Variants in SMPD3 observed in about 807,000 individuals in gnomAD.
SMPD3 encodes nSMase-2.
A neutral mutation model predicts 55.7 loss-of-function variants in SMPD3; 21 were observed. That is an observed-to-expected ratio of 0.38 (90% CI 0.27 to 0.54). The LOEUF (loss-of-function observed/expected upper bound fraction) is 0.54. Ranked by LOEUF, SMPD3 falls within the 20% of genes least tolerant of loss-of-function variation. SMPD3 has a pLI of 0.80. For missense variants in SMPD3, 842 were observed against 899.6 expected (o/e 0.94, Z 0.82); for synonymous variants, 457 against 404.3 (o/e 1.13, Z -1.56).
chr16:68,374,233 A>C (rs1438797448), intron 2 of SMPD3, among the ~76,000 whole-genome samples: 1 of 152,056 alleles, frequency 6.6e-6, no homozygotes, highest in Non-Finnish European at 1.5e-5. Flanking sequence ...CACCAACCCG[A>C]GGTGTGCGGA....
chr16:68,379,844 C>T (rs1049132799), intron 2 of SMPD3, among the ~76,000 whole-genome samples: 1 of 152,266 alleles, frequency 6.6e-6, no homozygotes, highest in African/African-American at 2.4e-5. Flanking sequence ...CGGCATTTCC[C>T]TGGCGAAGTC....
At chr16:68,430,043 AC>A (rs2090467402) in intron 1 of SMPD3, among the ~76,000 whole-genome samples, 1 of 151,826 alleles carries the variant, frequency 6.6e-6, no homozygotes, top group African/African-American at 2.4e-5. Flanking sequence ...TGCACCTGTT[AC>A]CCCCCAAATC....
intron 1 of SMPD3, among the ~76,000 whole-genome samples, chr16:68,418,339 C>G (rs1004589901): frequency 6.7e-6 from 1 of 148,880 alleles, no homozygotes; most frequent in African/African-American, 2.5e-5. Context: ...AACTAAGACT[C>G]TTTATGTAAA....
chr16:68,388,803 A>G (rs973611114), intron 1 of SMPD3, among the ~76,000 whole-genome samples: 2 of 152,218 alleles, frequency 1.3e-5, no homozygotes, highest in African/African-American at 4.8e-5. Flanking sequence ...TTCTCAAAGA[A>G]AAAAGAAACA....
chr16:68,436,043 G>A (rs1043476321), intron 1 of SMPD3, among the ~76,000 whole-genome samples: 1 of 152,126 alleles, frequency 6.6e-6, no homozygotes, highest in Non-Finnish European at 1.5e-5. Flanking sequence ...AACAAGTGCC[G>A]AGGAGGTCTC....
In SMPD3 at chr16:68,364,670, C is replaced by T. The variant is rs764106817; in HGVS notation, c.1555+81G>A. ...GAGGAGCAGGAATTCTTTGAGCTGC[C>T]TAACGAAGTCTGTCTAGCTGTGACT... On this transcript the variant is annotated intron_variant, in intron 5 of 8. Coordinates refer to ENST00000219334, the MANE Select transcript of SMPD3 (RefSeq NM_018667.4). 1.6e-4 allele frequency: 229 copies of T among 1,471,694 alleles called. No homozygotes were observed. In the East Asian group the frequency reaches 1.6e-3, roughly 11 times the overall value. The allele number at this position is 1,471,694 out of a possible 1,614,324, so 91.2% of individuals were successfully genotyped here.
intron 1 of SMPD3, among the ~76,000 whole-genome samples, chr16:68,414,740 A>G (rs2090326564): frequency 6.6e-6 from 1 of 152,230 alleles, no homozygotes. Context: ...CATCAGATTG[A>G]GTGGCATGCC....
At chr16:68,411,482 C>T (rs926768437) in intron 1 of SMPD3, among the ~76,000 whole-genome samples, 1 of 152,190 alleles carries the variant, frequency 6.6e-6, no homozygotes, top group Non-Finnish European at 1.5e-5. Context: ...CACCCTCCCA[C>T]TGCAGGCATG....
chr16:68,399,079 A>C (rs1383076762), intron 1 of SMPD3, among the ~76,000 whole-genome samples: 1 of 152,206 alleles, frequency 6.6e-6, no homozygotes, highest in Non-Finnish European at 1.5e-5. Context: ...GAACAAAGAG[A>C]GCAAATCCTC....
chr16:68,364,917 G>A lies in SMPD3; in HGVS notation c.1400-11C>T. ...GGATGGCGCTGTCCTCTGCAGGGCAGAAGTACAGAGACTGGATGATGAAGT... is the reference window on the plus strand; with the variant it reads ...GGATGGCGCTGTCCTCTGCAGGGCAAAAGTACAGAGACTGGATGATGAAGT... On this transcript the variant is annotated splice_polypyrimidine_tract_variant and intron_variant, in intron 4 of 8. Coordinates refer to ENST00000219334, the MANE Select transcript of SMPD3 (RefSeq NM_018667.4). 1 of 1,613,248 alleles carries A rather than the reference G, an allele frequency of 6.2e-7. No individual in the cohort carries two copies. The highest frequency in any genetic ancestry group is 1.1e-5 in the South Asian group (1 of 91,030).
intron 3 of SMPD3, among the ~76,000 whole-genome samples, chr16:68,365,309 C>T (rs1303020033): frequency 3.3e-5 from 5 of 152,102 alleles, no homozygotes; most frequent in East Asian, 1.9e-4. Context: ...TGGCCTGTGG[C>T]GTGGGGAGTG....
intron 1 of SMPD3, among the ~76,000 whole-genome samples, chr16:68,422,999 G>A (rs1033158346): frequency 2.6e-5 from 4 of 152,148 alleles, no homozygotes; most frequent in African/African-American, 7.2e-5. Context: ...AGTTCTCAGC[G>A]GGGGCTTCAC....
rs2089656770 is a variant in SMPD3, at chr16:68,371,241, C to G, written c.941G>C (p.Ser314Thr). The G allele has an allele frequency of 1.2e-6, 2 of 1,606,458 alleles. No individual in the cohort carries two copies. Among genetic ancestry groups the G allele is most frequent in the Non-Finnish European group, 1.7e-6 (2 of 1,177,524 alleles). The change falls in exon 3 of 9, where the codon AGC (serine) becomes ACC (threonine). Residue 314 changes from serine to threonine, a missense_variant. Transcript: ENST00000219334. ...CTTGCTGTTGGCACCTGGCTCCCCG[C>G]TGGCACTGGTGTCTGGCCCAGCTCG... is the stretch of plus-strand genomic sequence containing the variant. ...KGRAGPDTSASGEPGANSKLL... is the reference protein window; with the variant it reads ...KGRAGPDTSATGEPGANSKLL...
Position 68,360,308 on chromosome 16 carries a change from C to G in SMPD3, c.*898G>C, listed in dbSNP as rs759238039. 1 of 151,654 alleles carries G rather than the reference C, an allele frequency of 6.6e-6. No individual in the cohort carries two copies. Among genetic ancestry groups the G allele is most frequent in the Middle Eastern group, 3.4e-3 (1 of 294 alleles). 9.4% of individuals were successfully genotyped at this position (151,654 alleles called of 1,614,324 possible). A position where few individuals can be genotyped will look rare whatever the true frequency, so the allele number is the denominator to read the frequency against. ...AATAGATTATTTTCAAAATCAGGAT[C>G]CCCCCCACCCCCGTTTATGCTGTGA... On this transcript the variant is annotated 3_prime_UTR_variant, in exon 9 of 9. Coordinates refer to ENST00000219334, the MANE Select transcript of SMPD3 (RefSeq NM_018667.4).
At chr16:68,379,145 C>G (rs929745082) in intron 2 of SMPD3, among the ~76,000 whole-genome samples, 3 of 152,260 alleles carry the variant, frequency 2.0e-5, no homozygotes, top group African/African-American at 7.2e-5. Flanking sequence ...CTGTGGCTCC[C>G]CGTTGACGTC....
intron 1 of SMPD3, among the ~76,000 whole-genome samples, chr16:68,424,449 C>T (rs990500863): frequency 3.3e-5 from 5 of 151,938 alleles, no homozygotes; most frequent in Admixed American, 6.6e-5. Flanking sequence ...GGATCATGGT[C>T]GAACAGTCAG....
chr16:68,376,662 G>A (rs2089822858), intron 2 of SMPD3, among the ~76,000 whole-genome samples: 1 of 152,202 alleles, frequency 6.6e-6, no homozygotes, highest in African/African-American at 2.4e-5. Context: ...CTGAGTTGGA[G>A]TCCCGTTGTC....
chr16:68,372,760 C>T (rs924726182), intron 2 of SMPD3, among the ~76,000 whole-genome samples: 11 of 152,178 alleles, frequency 7.2e-5, no homozygotes, highest in East Asian at 3.9e-4. Context: ...CGGGGGCCGC[C>T]GGAAGCCCAT....
intron 7 of SMPD3, 106 bp downstream of exon 7, chr16:68,363,390 G>A (rs2089373615): frequency 3.2e-6 from 4 of 1,241,394 alleles, no homozygotes; most frequent in South Asian, 1.2e-5. Flanking sequence ...CCAAATAAAA[G>A]CCCTCATGAG....
Sources: gnomAD v4.1 joint callset for allele counts (sites outside exome capture counted in the v4.1 genomes callset) on GRCh38, gnomAD v4.1.1 for gene constraint, MANE v1.5 for transcripts, NCBI Gene and HGNC (gene_info 2026-07-23, HGNC 2026-07-21) for gene names.